EXOC4: variants seen among roughly 807,000 people sequenced by gnomAD.
The protein encoded by EXOC4 is exocyst complex component 4.
Under a neutral mutation model 107.2 loss-of-function variants are expected in EXOC4, and 71 were observed. The ratio of observed to expected loss-of-function variants is 0.66; its 90% CI spans 0.55 to 0.81. The LOEUF (loss-of-function observed/expected upper bound fraction) is 0.81. Among genes scored for constraint, EXOC4 ranks in the 30% least tolerant of loss-of-function variants. The pLI, the probability that EXOC4 is intolerant of heterozygous loss-of-function variation, is 0.00. For missense variants in EXOC4, 1,108 were observed against 1,189.6 expected (o/e 0.93, Z 1.01); for synonymous variants, 456 against 441.2 (o/e 1.03, Z -0.42).
intron 9 of EXOC4, among the ~76,000 whole-genome samples, chr7:133,586,974 G>A (rs1801420990): frequency 6.6e-6 from 1 of 152,068 alleles, no homozygotes; most frequent in Admixed American, 6.5e-5. Flanking sequence ...GGGATTACAA[G>A]TGCACGCCAC....
At chr7:134,003,869 C>T (rs1021223784) in intron 15 of EXOC4, among the ~76,000 whole-genome samples, 2 of 152,098 alleles carry the variant, frequency 1.3e-5, no homozygotes, top group Non-Finnish European at 2.9e-5. Context: ...CCATACCCAC[C>T]TCAGACTTCC....
At chr7:133,549,856 T>C (rs2150940287) in intron 9 of EXOC4, among the ~76,000 whole-genome samples, 1 of 152,326 alleles carries the variant, frequency 6.6e-6, no homozygotes, top group East Asian at 1.9e-4. Context: ...TAGTAACCTT[T>C]TCTGCCTACT....
At chr7:133,280,126 T>G (rs1428195978) in intron 2 of EXOC4, among the ~76,000 whole-genome samples, 1 of 152,134 alleles carries the variant, frequency 6.6e-6, no homozygotes, top group Non-Finnish European at 1.5e-5. Context: ...CCTAGCTAAT[T>G]TAAAAAAATT....
intron 10 of EXOC4, among the ~76,000 whole-genome samples, chr7:133,647,596 C>A (rs1214434727): frequency 6.6e-6 from 1 of 152,120 alleles, no homozygotes; most frequent in East Asian, 1.9e-4. Flanking sequence ...TTACCTCCAA[C>A]TCTATGCCTC....
At chr7:133,645,877 T>C (rs1037593846) in intron 10 of EXOC4, among the ~76,000 whole-genome samples, 1 of 152,230 alleles carries the variant, frequency 6.6e-6, no homozygotes, top group African/African-American at 2.4e-5. Flanking sequence ...TTTAGGTAAT[T>C]GTAAAGATGA....
Position 133,480,113 on chromosome 7 carries a change from C to CTATA in EXOC4, c.1393_1396dup (p.Ser466IlefsTer2). 6.2e-7 allele frequency: 1 copy of CTATA among 1,614,022 alleles called. No homozygotes were observed. The highest frequency in any genetic ancestry group is 1.1e-5 in the South Asian group (1 of 91,082). ...ATCTGCGAGAACAGAGAAGGGAGCT[C>CTATA]TATAGTCGGAGTGGAGAACTGCAAG... On this transcript the variant is annotated frameshift_variant, in exon 9 of 18. Transcript: ENST00000253861. LOFTEE classifies it high-confidence loss of function.
chr7:133,382,947 T>C (rs1796649829), intron 7 of EXOC4, among the ~76,000 whole-genome samples: 1 of 152,196 alleles, frequency 6.6e-6, no homozygotes, highest in African/African-American at 2.4e-5. Flanking sequence ...ATAGCTATCA[T>C]AGTAACGGGG....
At chr7:133,668,744 C>T (rs1362652141) in intron 10 of EXOC4, among the ~76,000 whole-genome samples, 1 of 152,144 alleles carries the variant, frequency 6.6e-6, no homozygotes, top group Non-Finnish European at 1.5e-5. Flanking sequence ...AGTCCACCTT[C>T]CTTTGTTTTG....
chr7:134,078,005 C>T, the EXOC4 span, among the ~76,000 whole-genome samples: 1 of 152,176 alleles, frequency 6.6e-6, no homozygotes, highest in Admixed American at 6.5e-5. Context: ...ATAATATTAT[C>T]AAGACTTTTC....
At chr7:133,975,338 A>C (rs930731372) in intron 14 of EXOC4, among the ~76,000 whole-genome samples, 1 of 152,148 alleles carries the variant, frequency 6.6e-6, no homozygotes, top group Admixed American at 6.6e-5. Flanking sequence ...GCCAAACTAG[A>C]ATACTAGATA....
chr7:133,260,270 G>GT (rs34596811), intron 1 of EXOC4, among the ~76,000 whole-genome samples: 2,227 of 143,086 alleles, frequency 0.016, 48 homozygotes, highest in African/African-American at 0.042. Flanking sequence ...CCCTTTAACT[G>GT]TTTTTTTTTT....
At chr7:133,394,234 A>G (rs1796921133) in intron 7 of EXOC4, among the ~76,000 whole-genome samples, 1 of 152,250 alleles carries the variant, frequency 6.6e-6, no homozygotes, top group South Asian at 2.1e-4. Flanking sequence ...ATAATAGGTT[A>G]AGTGAAATTA....
At chr7:133,634,529 G>A (rs766577455) in intron 10 of EXOC4, among the ~76,000 whole-genome samples, 22 of 151,670 alleles carry the variant, frequency 1.5e-4, no homozygotes, top group Admixed American at 9.9e-4. Flanking sequence ...TCACTCTGTC[G>A]CCCAGGCTGG....
rs146227509 is a variant in EXOC4, at chr7:134,064,438, G to A, written c.2835G>A (p.Gln945=). The A allele has an allele frequency of 1.7e-5, 27 of 1,609,098 alleles. No homozygotes were observed. The highest frequency in any genetic ancestry group is 2.1e-5 in the Non-Finnish European group (25 of 1,177,584). The change falls in exon 18 of 18, where the codon CAG becomes CAA. Residue 945 remains glutamine (Q), a synonymous_variant. Transcript: ENST00000253861. ...SQTGVGELTT[Q]NTRLQRLKEI... The stretch of plus-strand genomic sequence containing the variant: ...CTGGGGTGGGGGAACTGACCACCCA[G>A]AACACGAGGCTGCAGAGGCTCAAAG...
intron 6 of EXOC4, among the ~76,000 whole-genome samples, chr7:133,365,641 T>C (rs1485362162): frequency 6.6e-6 from 1 of 152,204 alleles, no homozygotes; most frequent in African/African-American, 2.4e-5. Flanking sequence ...ACTCTTTAAA[T>C]AGTAACCCCT....
At chr7:133,925,412 A>G (rs754435140) in intron 13 of EXOC4, among the ~76,000 whole-genome samples, 3 of 152,218 alleles carry the variant, frequency 2.0e-5, no homozygotes, top group Non-Finnish European at 4.4e-5. Flanking sequence ...TGCACCTGCC[A>G]TATATATGTA....
intron 11 of EXOC4, among the ~76,000 whole-genome samples, chr7:133,870,139 G>A (rs1265981872): frequency 6.6e-6 from 1 of 152,140 alleles, no homozygotes; most frequent in Non-Finnish European, 1.5e-5. Context: ...GTAAAAGATT[G>A]TTAAGTGTGC....
intron 17 of EXOC4, among the ~76,000 whole-genome samples, chr7:134,044,283 A>G (rs1269376781): frequency 2.0e-5 from 3 of 152,172 alleles, no homozygotes; most frequent in African/African-American, 7.2e-5. Flanking sequence ...ATCCCCACTG[A>G]AACAGGTGAA....
At position 134,008,518 on chromosome 7, in the gene EXOC4, G is replaced by A. The variant is rs78394454; in HGVS notation, c.2687+683G>A. ...TCATTGTGAATAACATGTATCTACT[G>A]TATTTTTACAGGAACCTACTTCTCA... On this transcript the variant is annotated intron_variant, in intron 17 of 17. Transcript: ENST00000253861. 9.2e-3 allele frequency among the ~76,000 whole-genome samples: 1,400 copies of A among 151,950 alleles called. 17 individuals carry two copies. The highest frequency in any genetic ancestry group is 0.032 in the African/African-American group (1,315 of 41,426).
Sources: gnomAD v4.1 joint callset for allele counts (sites outside exome capture counted in the v4.1 genomes callset) on GRCh38, gnomAD v4.1.1 for gene constraint, MANE v1.5 for transcripts, NCBI Gene and HGNC (gene_info 2026-07-23, HGNC 2026-07-21) for gene names.